The following GALK2 variants were observed in gnomAD, a reference collection of about 807,000 sequenced individuals.
GALK2 encodes galactokinase 2, also known as N-acetylgalactosamine kinase.
In GALK2, 36 loss-of-function variants were observed where a neutral mutation model predicts 52.4. The ratio of observed to expected loss-of-function variants is 0.69; its 90% CI spans 0.53 to 0.91. The LOEUF (loss-of-function observed/expected upper bound fraction) is 0.91, where lower values mean the gene tolerates loss of function less well. Among genes scored for constraint, GALK2 ranks in the 40% least tolerant of loss-of-function variants. The pLI is 0.00. For missense variants in GALK2, 579 were observed against 559.1 expected (o/e 1.04, Z -0.36); for synonymous variants, 176 against 199.1 (o/e 0.88, Z 0.98).
chr15:49,264,646 G>T (rs914524782), intron 5 of GALK2, among the ~76,000 whole-genome samples: 5 of 152,182 alleles, frequency 3.3e-5, no homozygotes, highest in South Asian at 2.1e-4. Flanking sequence ...GAGGAGAGGC[G>T]CTCTGCTTTT....
chr15:49,302,627 A>G (rs571096422), intron 8 of GALK2, among the ~76,000 whole-genome samples: 1 of 152,230 alleles, frequency 6.6e-6, no homozygotes, highest in African/African-American at 2.4e-5. Flanking sequence ...GTTCTCAATT[A>G]TGAAGGAAAT....
intron 2 of GALK2, among the ~76,000 whole-genome samples, chr15:49,213,121 C>G (rs1467212996): frequency 6.6e-6 from 1 of 152,158 alleles, no homozygotes; most frequent in African/African-American, 2.4e-5. Flanking sequence ...CTATAGGCAT[C>G]TATCCTTCTT....
intron 5 of GALK2, among the ~76,000 whole-genome samples, chr15:49,240,729 A>G (rs1183794844): frequency 6.6e-6 from 1 of 152,196 alleles, no homozygotes; most frequent in African/African-American, 2.4e-5. Context: ...ATGTCTCAAT[A>G]TGGTTGAAGC....
rs768114700 is a variant in GALK2, at chr15:49,283,644, A to C, written c.682A>C (p.Ser228Arg). ...TGGAGCAGTGTTTGTGATTGCCAAC[A>C]GTTGTGTGGAGATGAATAAGGCAGC... ...PSGAVFVIAN[S>R]CVEMNKAATS... Residue 228 changes from serine to arginine, a missense_variant, in exon 7 of 10, where the codon AGT becomes CGT. Coordinates refer to ENST00000560031, the MANE Select transcript of GALK2 (RefSeq NM_002044.4). The C allele has an allele frequency of 6.2e-7, 1 of 1,614,040 alleles. No individual in the cohort carries two copies. The highest frequency in any genetic ancestry group is 1.7e-5 in the Admixed American group (1 of 60,020).
chr15:49,295,335 A>G (rs556151404), intron 8 of GALK2, among the ~76,000 whole-genome samples: 2 of 147,826 alleles, frequency 1.4e-5, no homozygotes, highest in Non-Finnish European at 3.0e-5. Flanking sequence ...CTCTCTATCT[A>G]TATATATATA....
At chr15:49,238,015 G>C (rs2141494146) in intron 4 of GALK2, among the ~76,000 whole-genome samples, 1 of 152,250 alleles carries the variant, frequency 6.6e-6, no homozygotes, top group East Asian at 1.9e-4. Flanking sequence ...TGTGGTGCGA[G>C]AATTTTGCTA....
intron 1 of GALK2, among the ~76,000 whole-genome samples, chr15:49,187,258 C>T (rs1026606701): frequency 6.6e-6 from 1 of 152,160 alleles, no homozygotes; most frequent in African/African-American, 2.4e-5. Flanking sequence ...CAGGCAGAGT[C>T]TTTAAATCTT....
chr15:49,241,169 G>A (rs1015303420), intron 5 of GALK2, among the ~76,000 whole-genome samples: 3 of 152,164 alleles, frequency 2.0e-5, no homozygotes, highest in African/African-American at 7.2e-5. Context: ...TGGGCATACT[G>A]ATGGAGTTAT....
chr15:49,197,226 A>G (rs1400071706), intron 1 of GALK2, among the ~76,000 whole-genome samples: 1 of 152,202 alleles, frequency 6.6e-6, no homozygotes, highest in Non-Finnish European at 1.5e-5. Context: ...ATTTCTTGAT[A>G]TTTAGTCTTT....
chr15:49,190,664 A>G (rs2086663434), intron 1 of GALK2, among the ~76,000 whole-genome samples: 1 of 152,210 alleles, frequency 6.6e-6, no homozygotes, highest in South Asian at 2.1e-4. Flanking sequence ...TAAAAGGTAG[A>G]CAAGACTGAA....
At chr15:49,285,050 A>C (rs898806898) in intron 7 of GALK2, among the ~76,000 whole-genome samples, 16 of 152,162 alleles carry the variant, frequency 1.1e-4, no homozygotes, top group African/African-American at 3.9e-4. Flanking sequence ...AAATTGCTTT[A>C]TATATGTTAT....
chr15:49,258,790 ATATATGTG>A lies in GALK2; in HGVS notation c.504+19425_504+19432del, dbSNP rs1338490102. 3.2e-4 allele frequency among the ~76,000 whole-genome samples: 37 copies of A among 115,524 alleles called. No individual in the cohort carries two copies. The East Asian group carries it at 8.1e-3, about 25-fold the overall frequency. The allele number at this position is 115,524 out of a possible 152,430, so 75.8% of individuals were successfully genotyped here. A position where few individuals can be genotyped will look rare whatever the true frequency, so the allele number is the denominator to read the frequency against. On this transcript the variant is annotated intron_variant, in intron 5 of 9. Transcript: ENST00000560031. ...TTTATTTGGAAGCATATATATATAT[ATATATGTG>A]TGTGTGTGTGTGTGTGTGTGTGTGT...
At chr15:49,160,826 A>G (rs986881361) in intron 1 of GALK2, among the ~76,000 whole-genome samples, 1 of 151,976 alleles carries the variant, frequency 6.6e-6, no homozygotes. Context: ...GTGAGCTGAG[A>G]TCGTGCCACT....
intron 2 of GALK2, among the ~76,000 whole-genome samples, chr15:49,210,094 C>A (rs1459752815): frequency 6.6e-6 from 1 of 152,088 alleles, no homozygotes; most frequent in Non-Finnish European, 1.5e-5. Context: ...TATGCATGTC[C>A]TTTAGGTTTT....
Position 49,331,577 on chromosome 15 carries a change from G to A in GALK2, c.*3418G>A, listed in dbSNP as rs895218535. On this transcript the variant is annotated 3_prime_UTR_variant, in exon 10 of 10. Transcript: ENST00000560031. ...CTGTTCCTGGTCAGAAGCTGGAAATGGGGAATGTGAACATGAGTTGTCACT... is the reference window on the plus strand; with the variant it reads ...CTGTTCCTGGTCAGAAGCTGGAAATAGGGAATGTGAACATGAGTTGTCACT... 2 of 494,240 alleles carry A rather than the reference G, an allele frequency of 4.0e-6. No homozygotes were observed. The highest frequency in any genetic ancestry group is 3.2e-5 in the East Asian group (1 of 31,718). 30.6% of individuals were successfully genotyped at this position (494,240 alleles called of 1,614,324 possible).
intron 3 of GALK2, chr15:49,365,395 A>T (rs2044966846): frequency 1.8e-6 from 2 of 1,128,844 alleles, no homozygotes; most frequent in Non-Finnish European, 1.3e-6. Flanking sequence ...ACGAAGAACC[A>T]GTCTAAACAT....
At chr15:49,273,673 C>T (rs1330922969) in intron 5 of GALK2, among the ~76,000 whole-genome samples, 1 of 151,828 alleles carries the variant, frequency 6.6e-6, no homozygotes, top group Non-Finnish European at 1.5e-5. Context: ...GGTGCCATTT[C>T]ATGGAGAACT....
intron 3 of GALK2, among the ~76,000 whole-genome samples, chr15:49,230,068 A>G (rs556967514): frequency 4.1e-4 from 62 of 152,196 alleles, no homozygotes; most frequent in Admixed American, 7.2e-4. Context: ...AACAGCAGTT[A>G]GCACTCGTGG....
intron 5 of GALK2, among the ~76,000 whole-genome samples, chr15:49,242,084 CTTTAA>C (rs1007337184): frequency 3.1e-4 from 47 of 151,612 alleles, no homozygotes; most frequent in Non-Finnish European, 2.9e-5. Context: ...TTTGTTCAGT[CTTTAA>C]TTTAAATGCC....
Sources: gnomAD v4.1 joint callset for allele counts (sites outside exome capture counted in the v4.1 genomes callset) on GRCh38, gnomAD v4.1.1 for gene constraint, MANE v1.5 for transcripts, NCBI Gene and HGNC (gene_info 2026-07-23, HGNC 2026-07-21) for gene names.